The following RBFOX1 variants were observed in gnomAD, a reference collection of about 807,000 sequenced individuals.
The protein encoded by RBFOX1 is RNA binding fox-1 homolog 1.
Under a neutral mutation model 57.7 loss-of-function variants are expected in RBFOX1, and 8 were observed. The ratio of observed to expected loss-of-function variants is 0.14; its 90% CI spans 0.08 to 0.25. The LOEUF (loss-of-function observed/expected upper bound fraction) is 0.25. Among genes scored for constraint, RBFOX1 ranks in the 10% least tolerant of loss-of-function variants. RBFOX1 has a pLI of 1.00. For missense variants in RBFOX1, 611 were observed against 548.5 expected, an observed-to-expected ratio of 1.11 and a Z score of -1.14; for synonymous variants, 326 against 222.4, an observed-to-expected ratio of 1.47 and a Z score of -4.15.
intron 1 of RBFOX1, among the ~76,000 whole-genome samples, chr16:6,108,718 G>A (rs1597381805): frequency 6.6e-6 from 1 of 152,142 alleles, no homozygotes; most frequent in African/African-American, 2.4e-5. Flanking sequence ...TCCTGGGGGA[G>A]TGTCTCCTCC....
intron 4 of RBFOX1, among the ~76,000 whole-genome samples, chr16:7,479,301 G>A (rs564659978): frequency 3.8e-4 from 57 of 151,892 alleles, no homozygotes; most frequent in African/African-American, 1.3e-3. Flanking sequence ...TTATTGTATT[G>A]TATAGTTTTG....
intron 2 of RBFOX1, among the ~76,000 whole-genome samples, chr16:6,506,729 C>A (rs1035457428): frequency 2.9e-5 from 4 of 138,460 alleles, no homozygotes; most frequent in Non-Finnish European, 6.0e-5. Flanking sequence ...CTTACCGCAA[C>A]TTCTGCCTCC....
At chr16:5,342,037 A>C (rs1443795786) in intron 1 of RBFOX1, among the ~76,000 whole-genome samples, 1 of 152,212 alleles carries the variant, frequency 6.6e-6, no homozygotes, top group Non-Finnish European at 1.5e-5. Context: ...CAGTGGTGGG[A>C]CAATGCTGGT....
At chr16:6,191,820 G>A (rs1425837703) in intron 1 of RBFOX1, among the ~76,000 whole-genome samples, 3 of 152,108 alleles carry the variant, frequency 2.0e-5, no homozygotes, top group African/African-American at 7.2e-5. Context: ...CAGGTATCGA[G>A]ACTTGATTTT....
At chr16:7,516,993 T>A (rs932071538) in intron 4 of RBFOX1, among the ~76,000 whole-genome samples, 13 of 152,156 alleles carry the variant, frequency 8.5e-5, no homozygotes, top group African/African-American at 3.1e-4. Context: ...CAAAGTCACA[T>A]CTAATTGACC....
At chr16:6,775,603 CT>C (rs2079188993) in intron 3 of RBFOX1, 1 of 152,146 alleles carries the variant, frequency 6.6e-6, no homozygotes, top group Non-Finnish European at 1.5e-5. Context: ...ACAGTTATCT[CT>C]CTAATCGAGA....
intron 1 of RBFOX1, among the ~76,000 whole-genome samples, chr16:6,096,696 C>G (rs1210038146): frequency 6.6e-6 from 1 of 152,142 alleles, no homozygotes; most frequent in South Asian, 2.1e-4. Context: ...AAAACTCTAA[C>G]CATTGGTTAT....
chr16:6,821,271 C>T (rs1040539127), intron 3 of RBFOX1, among the ~76,000 whole-genome samples: 1 of 152,182 alleles, frequency 6.6e-6, no homozygotes, highest in African/African-American at 2.4e-5. Context: ...CCAGGGCTAT[C>T]ACCTGGGTCT....
chr16:6,854,260 T>C (rs778108365), intron 3 of RBFOX1, among the ~76,000 whole-genome samples: 1 of 152,270 alleles, frequency 6.6e-6, no homozygotes, highest in East Asian at 1.9e-4. Flanking sequence ...ATTAGCACCA[T>C]TTCCTAGTTA....
intron 1 of RBFOX1, among the ~76,000 whole-genome samples, chr16:5,358,762 G>A (rs574254712): frequency 2.0e-5 from 3 of 152,234 alleles, no homozygotes; most frequent in Admixed American, 6.5e-5. Context: ...GGGAGGCAAA[G>A]GTTGCGGTGA....
At chr16:6,907,200 G>T (rs961228568) in intron 3 of RBFOX1, among the ~76,000 whole-genome samples, 1 of 152,126 alleles carries the variant, frequency 6.6e-6, no homozygotes, top group African/African-American at 2.4e-5. Flanking sequence ...CTGTAGGGCA[G>T]GGGCCAGGGA....
At chr16:5,418,643 C>T (rs1327909354) in intron 1 of RBFOX1, among the ~76,000 whole-genome samples, 1 of 152,140 alleles carries the variant, frequency 6.6e-6, no homozygotes, top group Non-Finnish European at 1.5e-5. Context: ...CCATACCTCC[C>T]TTGTCCTCGC....
At chr16:7,456,007 C>T (rs749109989) in intron 4 of RBFOX1, among the ~76,000 whole-genome samples, 1 of 152,028 alleles carries the variant, frequency 6.6e-6, no homozygotes, top group Non-Finnish European at 1.5e-5. Flanking sequence ...GCTTTAAGGG[C>T]ACATTCCCTG....
chr16:6,959,501 T>TA (rs879620355), intron 3 of RBFOX1, among the ~76,000 whole-genome samples: 14 of 147,846 alleles, frequency 9.5e-5, no homozygotes, highest in African/African-American at 3.7e-4. Flanking sequence ...TTTTTTTATT[T>TA]TTTATTTTTT....
At chr16:7,571,626 C>G (rs1203228935) in intron 5 of RBFOX1, among the ~76,000 whole-genome samples, 3 of 152,142 alleles carry the variant, frequency 2.0e-5, no homozygotes, top group Non-Finnish European at 4.4e-5. Flanking sequence ...TTCTGCCGCA[C>G]AGATCCCGCC....
At chr16:6,696,963 T>A (rs1472784977) in intron 3 of RBFOX1, among the ~76,000 whole-genome samples, 1 of 152,192 alleles carries the variant, frequency 6.6e-6, no homozygotes, top group Non-Finnish European at 1.5e-5. Flanking sequence ...AGCCTCTAGT[T>A]GATTATAATT....
chr16:6,985,137 C>T (rs1479958343), intron 3 of RBFOX1, among the ~76,000 whole-genome samples: 1 of 152,060 alleles, frequency 6.6e-6, no homozygotes. Flanking sequence ...CCTACCCTAC[C>T]CTCTTCTTTC....
At chr16:7,076,573 A>G (rs1235410182) in intron 4 of RBFOX1, among the ~76,000 whole-genome samples, 3 of 152,222 alleles carry the variant, frequency 2.0e-5, no homozygotes, top group Non-Finnish European at 1.5e-5. Flanking sequence ...ATGCCTGCAG[A>G]TACTTGAATT....
intron 3 of RBFOX1, among the ~76,000 whole-genome samples, chr16:5,739,216 AAAAT>A (rs1391486410): frequency 6.6e-6 from 1 of 152,236 alleles, no homozygotes; most frequent in African/African-American, 2.4e-5. Context: ...GGATGAAAGA[AAAAT>A]AAACTCATGA....
Sources: allele counts gnomAD v4.1 joint callset (sites outside exome capture counted in the v4.1 genomes callset), GRCh38; gene constraint gnomAD v4.1.1; transcripts MANE v1.5; gene names NCBI Gene and HGNC (gene_info 2026-07-23, HGNC 2026-07-21).